Variants in LGMN observed in about 807,000 individuals in gnomAD.
The protein encoded by LGMN is legumain.
Under a neutral mutation model 56.8 loss-of-function variants are expected in LGMN, and 36 were observed. The ratio of observed to expected loss-of-function variants is 0.63; its 90% confidence interval spans 0.49 to 0.84. The LOEUF (loss-of-function observed/expected upper bound fraction) is 0.84, where lower values mean the gene tolerates loss of function less well. LGMN is among the 40% of genes least tolerant of loss of function. LGMN has a pLI of 0.00. For synonymous variants in LGMN, 199 were observed against 210.1 expected (o/e 0.95, Z 0.46); for missense variants, 446 against 556.1 (o/e 0.80, Z 1.99).
chr14:92,708,443 TAATA>T (rs1889558226), intron 11 of LGMN, among the ~76,000 whole-genome samples: 1 of 151,450 alleles, frequency 6.6e-6, no homozygotes, highest in South Asian at 2.1e-4. Flanking sequence ...ACAAAAAAAT[TAATA>T]AATAAAGAGG....
At chr14:92,732,351 C>T (rs913841625) in intron 2 of LGMN, 6 of 311,628 alleles carry the variant, frequency 1.9e-5, no homozygotes, top group African/African-American at 1.3e-4. Flanking sequence ...ATGACCTGGT[C>T]CCCAACTATC....
chr14:92,717,517 T>C, intron 3 of LGMN, 56 bp from the exon 4 acceptor site: 1 of 1,263,022 alleles, frequency 7.9e-7, no homozygotes, highest in African/African-American at 1.5e-5. Flanking sequence ...GAAATCTCTC[T>C]CTTCAAACAC....
At position 92,712,800 on chromosome 14, in the gene LGMN, C is replaced by A; in HGVS notation, c.610+5G>T. The A allele has an allele frequency of 6.2e-7, 1 of 1,613,632 alleles. No homozygotes were observed. Among genetic ancestry groups the A allele is most frequent in the Non-Finnish European group, 8.5e-7 (1 of 1,179,858 alleles). On this transcript the variant is annotated splice_donor_5th_base_variant and intron_variant, in intron 8 of 13. Transcript: ENST00000334869. ...CAGGTCGAGGCCGGCGCCCCAACCA[C>A]CTACCATTGATGTTATCCGGCAGGT... is the stretch of plus-strand genomic sequence containing the variant.
At chr14:92,719,219 A>C (rs1334176886) in intron 2 of LGMN, among the ~76,000 whole-genome samples, 953 of 26,490 alleles carry the variant, frequency 0.036, 7 homozygotes, top group Middle Eastern at 0.083. Context: ...ACCGCCACCA[A>C]CACCACCACC....
chr14:92,716,856 C>CA lies in LGMN; in HGVS notation c.318+523dup, dbSNP rs370959536. On this transcript the variant is annotated intron_variant, in intron 4 of 13. Transcript: ENST00000334869. ...ATGAAAACCAGGTGAATGAAGGCATCACGGTCGATTTTAAAAATGTGTCAA... is the reference window on the plus strand; with the variant it reads ...ATGAAAACCAGGTGAATGAAGGCATCAACGGTCGATTTTAAAAATGTGTCAA... Among the ~76,000 whole-genome samples the CA allele has an allele frequency of 3.9e-4, 59 of 152,216 alleles. 1 individual carries two copies. The highest frequency in any genetic ancestry group is 1.4e-3 in the African/African-American group (58 of 41,524).
Position 92,716,328 on chromosome 14 carries a change from A to G in LGMN, c.319-107T>C, listed in dbSNP as rs533522371. The G allele has an allele frequency of 8.8e-5, 72 of 815,008 alleles. No homozygotes were observed. The African/African-American group carries it at 1.2e-3, about 13-fold the overall frequency. 50.5% of individuals were successfully genotyped at this position (815,008 alleles called of 1,614,324 possible). A position where few individuals can be genotyped will look rare whatever the true frequency, so the allele number is the denominator to read the frequency against. On this transcript the variant is annotated intron_variant, in intron 4 of 13. Transcript: ENST00000334869. Reference sequence around the variant, plus strand: ...CACCAGCCTGCACATTCCAAGGCTCATGGCTTAACAGCAAACACTTTTGGT... The same window carrying G: ...CACCAGCCTGCACATTCCAAGGCTCGTGGCTTAACAGCAAACACTTTTGGT...
intron 1 of LGMN, among the ~76,000 whole-genome samples, chr14:92,742,293 T>A (rs1456208074): frequency 1.1e-5 from 1 of 88,222 alleles, no homozygotes; most frequent in Non-Finnish European, 2.1e-5. Context: ...TTTGTTTTGC[T>A]TTTTTTTTTT....
At chr14:92,719,353 A>G (rs572923913) in intron 2 of LGMN, among the ~76,000 whole-genome samples, 1,985 of 125,994 alleles carry the variant, frequency 0.016, 39 homozygotes, top group South Asian at 0.034. Flanking sequence ...CGCCACCACC[A>G]CCAACACCAC....
chr14:92,713,877 T>C lies in LGMN; in HGVS notation c.489A>G (p.Val163=). The C allele has an allele frequency of 6.2e-7, 1 of 1,611,464 alleles. No homozygotes were observed. Among genetic ancestry groups the C allele is most frequent in the Non-Finnish European group, 8.5e-7 (1 of 1,177,590 alleles). ...ILVFPNEDLH[V]KDLNETIHYM... is the part of the protein sequence containing the mutation. ...AATGGATGGTCTCATTCAGGTCCTT[T>C]ACATGAAGCTGAAAGGTGAGAATAT... Residue 163 remains valine (V), a synonymous_variant, in exon 7 of 14, where the codon GTA becomes GTG. Coordinates refer to ENST00000334869, the MANE Select transcript of LGMN (RefSeq NM_005606.7).
rs925516647 is a variant in LGMN at position 92,709,746 on chromosome 14, T to C, written c.946A>G (p.Lys316Glu). 1 of 1,613,974 alleles carries C rather than the reference T, an allele frequency of 6.2e-7. No homozygotes were observed. The highest frequency in any genetic ancestry group is 8.5e-7 in the Non-Finnish European group (1 of 1,179,994). Residue 316 changes from lysine to glutamate, a missense_variant, in exon 11 of 14, where the codon AAA becomes GAA. Physicochemically the swap from Lys to Glu is moderately conservative, Grantham distance 56. Coordinates refer to ENST00000334869, the MANE Select transcript of LGMN (RefSeq NM_005606.7). ...PSPDVPLTIM[K>E]RKLMNTNDLE... ...TCATTGGTGTTCATCAGTTTCCTTTTCATGATGGTGAGAGGCACATCAGGG... is the reference window on the plus strand; with the variant it reads ...TCATTGGTGTTCATCAGTTTCCTTTCCATGATGGTGAGAGGCACATCAGGG...
In LGMN at chr14:92,719,329, GCCACCGCCATCA is replaced by G. The variant is rs1321315998; in HGVS notation, c.139-497_139-486del. Reference sequence around the variant, plus strand: ...CGCCGCCACCGCCGCCGCCGCCACCGCCACCGCCATCACCGCCACCACCACCAACACCACCAC... The same window carrying G: ...CGCCGCCACCGCCGCCGCCGCCACCGCCGCCACCACCACCAACACCACCAC... On this transcript the variant is annotated intron_variant, in intron 2 of 13. Transcript: ENST00000334869. Among the ~76,000 whole-genome samples, 6 of 55,428 alleles carry G rather than the reference GCCACCGCCATCA, an allele frequency of 1.1e-4. No homozygotes were observed. The South Asian group carries it at 2.2e-3, about 20-fold the overall frequency. The allele number at this position is 55,428 out of a possible 152,430, so 36.4% of individuals were successfully genotyped here.
intron 12 of LGMN, 137 bp downstream of exon 12, chr14:92,706,346 C>A: frequency 1.5e-6 from 1 of 683,316 alleles, no homozygotes. Context: ...GGACAACCTT[C>A]TTCCTCTCTG....
intron 7 of LGMN, 78 bp from the exon 8 acceptor site, chr14:92,712,949 T>C: frequency 3.1e-6 from 4 of 1,306,312 alleles, no homozygotes; most frequent in Non-Finnish European, 4.3e-6. Context: ...CTCTGCCCAC[T>C]CTCTCTACCC....
At chr14:92,712,040 C>T (rs980708820) in intron 8 of LGMN, 85 bp from the exon 9 acceptor site, 9 of 1,040,562 alleles carry the variant, frequency 8.6e-6, no homozygotes, top group South Asian at 2.7e-5. Flanking sequence ...CTTTCTCCCC[C>T]GGTGAAATCG....
At chr14:92,734,445 C>A (rs916561005) in intron 1 of LGMN, among the ~76,000 whole-genome samples, 3 of 151,868 alleles carry the variant, frequency 2.0e-5, no homozygotes, top group African/African-American at 7.3e-5. Context: ...CATGGCAAAA[C>A]CCTGGCCAAC....
intron 1 of LGMN, among the ~76,000 whole-genome samples, chr14:92,736,675 T>G (rs1891323169): frequency 6.6e-6 from 1 of 152,182 alleles, no homozygotes; most frequent in African/African-American, 2.4e-5. Context: ...CATCAGGACC[T>G]TTCCTGGGTC....
At chr14:92,741,842 AAC>A (rs761944311) in intron 1 of LGMN, 3 of 152,198 alleles carry the variant, frequency 2.0e-5, no homozygotes, top group Non-Finnish European at 4.4e-5. Context: ...CAGCCTGGGC[AAC>A]AGAGTGAGAC....
Position 92,709,806 on chromosome 14 carries a change from G to C in LGMN, c.886C>G (p.Leu296Val). 1 of 1,614,000 alleles carries C rather than the reference G, an allele frequency of 6.2e-7. No individual in the cohort carries two copies. Among genetic ancestry groups the C allele is most frequent in the Non-Finnish European group, 8.5e-7 (1 of 1,179,910 alleles). ...MKRKASSPVP[L>V]PPVTHLDLTP... ...AGGTCAAGGTGTGTGACTGGAGGTA[G>C]GGGGACGGGAGAACTGGCTTTGCGT... Residue 296 changes from leucine (L) to valine (V), a missense_variant, in exon 11 of 14, where the codon CTA (leucine) becomes GTA (valine). Physicochemically the swap from Leu to Val is conservative, Grantham distance 32 (BLOSUM62 1). Coordinates refer to ENST00000334869, the MANE Select transcript of LGMN (RefSeq NM_005606.7).
chr14:92,719,282 C>T (rs1410652403), intron 2 of LGMN, among the ~76,000 whole-genome samples: 1 of 56,180 alleles, frequency 1.8e-5, no homozygotes, highest in Non-Finnish European at 3.7e-5. Flanking sequence ...GCCGCCACCG[C>T]CGCCGCCGCC....
Sources: gnomAD v4.1 joint callset for allele counts (sites outside exome capture counted in the v4.1 genomes callset) on GRCh38, gnomAD v4.1.1 for gene constraint, MANE v1.5 for transcripts, NCBI Gene and HGNC (gene_info 2026-07-23, HGNC 2026-07-21) for gene names.